The following LOC128462377 variants were observed in gnomAD, a reference collection of about 807,000 sequenced individuals.
the LOC128462377 span, among the ~76,000 whole-genome samples, chr16:89,362,420 C>T: frequency 6.6e-6 from 1 of 152,166 alleles, no homozygotes; most frequent in African/African-American, 2.4e-5. Context: ...TAGACCCAAA[C>T]CTAAATTGCA....
chr16:89,336,669 G>C, the LOC128462377 span, among the ~76,000 whole-genome samples: 1 of 152,156 alleles, frequency 6.6e-6, no homozygotes, highest in Non-Finnish European at 1.5e-5. Context: ...GCCACGACAG[G>C]GAGCACAGGC....
the LOC128462377 span, chr16:89,324,546 C>T: frequency 1.2e-4 from 55 of 455,742 alleles, no homozygotes; most frequent in Non-Finnish European, 2.2e-4. Context: ...AGTCAGTGGA[C>T]GGGGAGAGGC....
At chr16:89,342,212 G>C in the LOC128462377 span, among the ~76,000 whole-genome samples, 1 of 152,262 alleles carries the variant, frequency 6.6e-6, no homozygotes, top group Non-Finnish European at 1.5e-5. Context: ...TCCACCATGA[G>C]AGAGAAAAAG....
chr16:89,348,987 G>C, the LOC128462377 span, among the ~76,000 whole-genome samples: 1 of 151,028 alleles, frequency 6.6e-6, no homozygotes, highest in African/African-American at 2.4e-5. Context: ...AACTAGCCAG[G>C]AGTAGTAGAG....
At chr16:89,405,631 G>C in the LOC128462377 span, among the ~76,000 whole-genome samples, 48 of 152,092 alleles carry the variant, frequency 3.2e-4, no homozygotes, top group Admixed American at 1.2e-3. Context: ...GCCATGCCCG[G>C]CTTTCTAGGT....
the LOC128462377 span, among the ~76,000 whole-genome samples, chr16:89,415,645 C>G: frequency 1.3e-5 from 2 of 150,960 alleles, no homozygotes; most frequent in Non-Finnish European, 3.0e-5. Flanking sequence ...CTGGCCAACA[C>G]AGTGAAACCC....
chr16:89,403,641 C>T, the LOC128462377 span: 1 of 152,364 alleles, frequency 6.6e-6, no homozygotes, highest in Middle Eastern at 3.4e-3. Context: ...TTTCAAAACA[C>T]TTCTTTAGGT....
chr16:89,368,376 T>G, the LOC128462377 span, among the ~76,000 whole-genome samples: 129 of 107,440 alleles, frequency 1.2e-3, 3 homozygotes, highest in South Asian at 0.028. Context: ...TTTGTGTTTT[T>G]TTTTTTTTTT....
At chr16:89,317,259 C>T in the LOC128462377 span, among the ~76,000 whole-genome samples, 1 of 152,192 alleles carries the variant, frequency 6.6e-6, no homozygotes, top group Non-Finnish European at 1.5e-5. Flanking sequence ...AAAGGGGTCA[C>T]CAGCAACAGG....
the LOC128462377 span, among the ~76,000 whole-genome samples, chr16:89,382,965 C>A: frequency 6.6e-6 from 1 of 152,218 alleles, no homozygotes; most frequent in Non-Finnish European, 1.5e-5. Flanking sequence ...CTCAGCCTCC[C>A]GAGGAGCTGG....
At chr16:89,376,800 A>G in the LOC128462377 span, among the ~76,000 whole-genome samples, 1 of 152,226 alleles carries the variant, frequency 6.6e-6, no homozygotes, top group Admixed American at 6.5e-5. Flanking sequence ...AAATCCTGTA[A>G]GAACATTTGT....
the LOC128462377 span, among the ~76,000 whole-genome samples, chr16:89,394,987 A>C: frequency 5.9e-5 from 9 of 152,240 alleles, no homozygotes; most frequent in Non-Finnish European, 1.3e-4. Context: ...AAGATCTCCA[A>C]ACCAGCAAAT....
the LOC128462377 span, among the ~76,000 whole-genome samples, chr16:89,318,566 C>G: frequency 2.0e-5 from 2 of 100,892 alleles, no homozygotes; most frequent in South Asian, 3.4e-4. Flanking sequence ...GCAGACCCAT[C>G]TGTGAGTGGC....
chr16:89,352,058 C>T, the LOC128462377 span, among the ~76,000 whole-genome samples: 4 of 152,078 alleles, frequency 2.6e-5, no homozygotes, highest in Non-Finnish European at 4.4e-5. Flanking sequence ...GCCACCAGGC[C>T]CAGGTAATTT....
the LOC128462377 span, chr16:89,324,580 G>A: frequency 6.6e-6 from 3 of 451,934 alleles, no homozygotes; most frequent in Non-Finnish European, 1.3e-5. Flanking sequence ...ATCTGGGGGG[G>A]CATGATCTCA....
chr16:89,386,630 G>T, the LOC128462377 span, among the ~76,000 whole-genome samples: 4 of 152,204 alleles, frequency 2.6e-5, no homozygotes, highest in South Asian at 8.3e-4. Flanking sequence ...AGTCAAGACA[G>T]AATCACAAAT....
chr16:89,389,216 G>C, the LOC128462377 span, among the ~76,000 whole-genome samples: 1 of 151,796 alleles, frequency 6.6e-6, no homozygotes, highest in African/African-American at 2.4e-5. Context: ...GTAGAGATGA[G>C]GTCTCCTTAC....
chr16:89,409,311 C>G, the LOC128462377 span, among the ~76,000 whole-genome samples: 1 of 152,196 alleles, frequency 6.6e-6, no homozygotes, highest in East Asian at 1.9e-4. Flanking sequence ...CCCACAGGTT[C>G]TAGCACTCCT....
the LOC128462377 span, chr16:89,370,614 T>C: frequency 6.6e-6 from 1 of 152,390 alleles, no homozygotes; most frequent in African/African-American, 2.4e-5. Flanking sequence ...ATTTGACAAA[T>C]GACCGACTGA....
Sources: allele counts gnomAD v4.1 joint callset (sites outside exome capture counted in the v4.1 genomes callset), GRCh38; gene constraint gnomAD v4.1.1; transcripts MANE v1.5.